The following RCSD1 variants were observed in gnomAD, a reference collection of about 807,000 sequenced individuals.
The protein encoded by RCSD1 is capZ-interacting protein.
RCSD1 carries 26 observed loss-of-function variants against 42.5 expected under a neutral mutation model. The observed-to-expected ratio is 0.61, with a 90% CI of 0.45 to 0.85. The LOEUF (loss-of-function observed/expected upper bound fraction) is 0.85. Among genes scored for constraint, RCSD1 ranks in the 40% least tolerant of loss-of-function variants. The pLI is 0.00. For missense variants in RCSD1, 571 were observed against 528.3 expected (o/e 1.08, Z -0.79); for synonymous variants, 220 against 212.2 (o/e 1.04, Z -0.32).
chr1:167,670,002 C>T (rs575813424), intron 1 of RCSD1, among the ~76,000 whole-genome samples: 1 of 151,284 alleles, frequency 6.6e-6, no homozygotes, highest in East Asian at 2.0e-4. Context: ...CGCACACGCA[C>T]ACTCACACTG....
At chr1:167,700,187 C>G (rs1659604527) in intron 6 of RCSD1, among the ~76,000 whole-genome samples, 1 of 152,132 alleles carries the variant, frequency 6.6e-6, no homozygotes. Context: ...GATAGAAGTA[C>G]AGGTAGAAGA....
At chr1:167,634,396 G>A (rs1657779425) in intron 1 of RCSD1, among the ~76,000 whole-genome samples, 1 of 149,872 alleles carries the variant, frequency 6.7e-6, no homozygotes, top group African/African-American at 2.4e-5. Flanking sequence ...TTTTTAACAA[G>A]CAGTGTTTAG....
chr1:167,706,154 T>A lies in RCSD1; in HGVS notation c.*1458T>A, dbSNP rs1235356163. ...GGGATATATTTTTTTTCAAAACTGT[T>A]TTTAAGTAGTTTGTAATTTGTAACA... On this transcript the variant is annotated 3_prime_UTR_variant, in exon 7 of 7. Coordinates refer to ENST00000367854, the MANE Select transcript of RCSD1 (RefSeq NM_052862.4). 1 of 152,192 alleles carries A rather than the reference T, an allele frequency of 6.6e-6. No individual in the cohort carries two copies. Among genetic ancestry groups the A allele is most frequent in the Non-Finnish European group, 1.5e-5 (1 of 68,026 alleles). 9.4% of individuals were successfully genotyped at this position (152,192 alleles called of 1,614,324 possible).
intron 4 of RCSD1, among the ~76,000 whole-genome samples, chr1:167,690,804 C>T (rs1166810918): frequency 6.6e-6 from 1 of 152,190 alleles, no homozygotes; most frequent in Middle Eastern, 3.2e-3. Flanking sequence ...CTGCATAGGG[C>T]TGGTGTTCAG....
At chr1:167,649,536 G>A (rs914768979) in intron 1 of RCSD1, among the ~76,000 whole-genome samples, 3 of 152,212 alleles carry the variant, frequency 2.0e-5, no homozygotes, top group East Asian at 3.8e-4. Context: ...GAGTGATGGG[G>A]GGGCAGAAAG....
intron 1 of RCSD1, among the ~76,000 whole-genome samples, chr1:167,682,733 G>C (rs1295872642): frequency 1.3e-5 from 2 of 151,206 alleles, no homozygotes; most frequent in Non-Finnish European, 2.9e-5. Context: ...GCTCGCTGCT[G>C]GAGGGAAGCA....
chr1:167,667,470 A>T (rs570259309), intron 1 of RCSD1, among the ~76,000 whole-genome samples: 1 of 152,330 alleles, frequency 6.6e-6, no homozygotes, highest in African/African-American at 2.4e-5. Context: ...CAGCAAACAG[A>T]TATATTCAAC....
At chr1:167,689,351 G>A (rs1018004154) in intron 3 of RCSD1, among the ~76,000 whole-genome samples, 2 of 151,938 alleles carry the variant, frequency 1.3e-5, no homozygotes, top group Non-Finnish European at 2.9e-5. Flanking sequence ...GCATGGTGGT[G>A]CATGCCTGTA....
At chr1:167,682,669 G>GC in intron 1 of RCSD1, among the ~76,000 whole-genome samples, 1 of 9,848 alleles carries the variant, frequency 1.0e-4, no homozygotes, top group Non-Finnish European at 2.4e-4. Context: ...CCATGGAAGA[G>GC]TGTGTGTGTG....
intron 2 of RCSD1, among the ~76,000 whole-genome samples, 156 bp downstream of exon 2, chr1:167,684,157 G>A (rs1310882806): frequency 6.6e-6 from 1 of 152,226 alleles, no homozygotes; most frequent in Admixed American, 6.5e-5. Flanking sequence ...TGTGAGGAAT[G>A]TCTCACTGCT....
At chr1:167,658,528 C>T (rs6669934) in intron 1 of RCSD1, among the ~76,000 whole-genome samples, 5,746 of 152,166 alleles carry the variant, frequency 0.038, 159 homozygotes, top group Non-Finnish European at 0.06. Flanking sequence ...TGGGTTCAAG[C>T]AATTCTCCTG....
intron 1 of RCSD1, among the ~76,000 whole-genome samples, chr1:167,655,018 G>A (rs548911137): frequency 1.7e-4 from 26 of 152,090 alleles, no homozygotes; most frequent in Non-Finnish European, 3.5e-4. Context: ...GCACTTCATG[G>A]CTCCCAGGGA....
At chr1:167,660,917 T>A (rs1034645760) in intron 1 of RCSD1, among the ~76,000 whole-genome samples, 1 of 152,200 alleles carries the variant, frequency 6.6e-6, no homozygotes, top group Non-Finnish European at 1.5e-5. Context: ...TTTCAGGAAC[T>A]TCCTTTGGCC....
intron 1 of RCSD1, among the ~76,000 whole-genome samples, chr1:167,680,084 G>A (rs1659042811): frequency 6.6e-6 from 1 of 152,142 alleles, no homozygotes; most frequent in South Asian, 2.1e-4. Context: ...GCATGGCCCA[G>A]CTGGAAGGTA....
intron 6 of RCSD1, among the ~76,000 whole-genome samples, chr1:167,699,194 GAT>G (rs2101723411): frequency 6.6e-6 from 1 of 152,236 alleles, no homozygotes; most frequent in Non-Finnish European, 1.5e-5. Context: ...TTGTTTTTTA[GAT>G]CAACTGCTCT....
intron 1 of RCSD1, chr1:167,664,049 G>A (rs767914202): frequency 3.3e-5 from 5 of 152,204 alleles, no homozygotes; most frequent in Non-Finnish European, 7.3e-5. Context: ...AACCCAAACT[G>A]TCTAATCAAA....
chr1:167,637,662 C>G (rs1657894033), intron 1 of RCSD1, among the ~76,000 whole-genome samples: 1 of 152,052 alleles, frequency 6.6e-6, no homozygotes, highest in Non-Finnish European at 1.5e-5. Flanking sequence ...TGCCTTTGTT[C>G]AAGCTCACCA....
Position 167,705,491 on chromosome 1 carries a change from T to C in RCSD1, c.*795T>C, listed in dbSNP as rs1304758345. On this transcript the variant is annotated 3_prime_UTR_variant, in exon 7 of 7. Transcript: ENST00000367854. Reference sequence around the variant, plus strand: ...AGGCAGAATGGCAGGAGGTTTCATGTCCCGCGTTGCATCTCCTCCTGAAAG... The same window carrying C: ...AGGCAGAATGGCAGGAGGTTTCATGCCCCGCGTTGCATCTCCTCCTGAAAG... 6.6e-6 allele frequency: 1 copy of C among 152,160 alleles called. No homozygotes were observed. Among genetic ancestry groups the C allele is most frequent in the Non-Finnish European group, 1.5e-5 (1 of 68,034 alleles). The allele number at this position is 152,160 out of a possible 1,614,324, so 9.4% of individuals were successfully genotyped here. A position where few individuals can be genotyped will look rare whatever the true frequency, so the allele number is the denominator to read the frequency against.
At chr1:167,703,625 C>T (rs1334991732) in intron 6 of RCSD1, among the ~76,000 whole-genome samples, 4 of 152,322 alleles carry the variant, frequency 2.6e-5, no homozygotes, top group African/African-American at 7.2e-5. Context: ...GTTGTCTGCT[C>T]TCCTATCCCA....
Sources: gnomAD v4.1 joint callset for allele counts (sites outside exome capture counted in the v4.1 genomes callset) on GRCh38, gnomAD v4.1.1 for gene constraint, MANE v1.5 for transcripts, NCBI Gene and HGNC (gene_info 2026-07-23, HGNC 2026-07-21) for gene names.